Variants in SHISA9 observed in about 807,000 individuals in gnomAD.
SHISA9 encodes protein shisa-9.
SHISA9 carries 13 observed loss-of-function variants against 38.0 expected under a neutral mutation model. The observed-to-expected ratio is 0.34, with a 90% CI of 0.22 to 0.54. The LOEUF (loss-of-function observed/expected upper bound fraction) is 0.54, where lower values mean the gene tolerates loss of function less well. Ranked by LOEUF, SHISA9 falls within the 20% of genes least tolerant of loss-of-function variation. The pLI, the probability that SHISA9 is intolerant of heterozygous loss-of-function variation, is 0.91. For missense variants in SHISA9, 538 were observed against 575.8 expected, an observed-to-expected ratio of 0.93 and a Z score of 0.67; for synonymous variants, 275 against 242.0, an observed-to-expected ratio of 1.14 and a Z score of -1.27.
the SHISA9 span, among the ~76,000 whole-genome samples, chr16:13,302,946 C>T: frequency 1.6e-4 from 24 of 152,196 alleles, no homozygotes; most frequent in East Asian, 2.3e-3. Context: ...CCGTGTAAGA[C>T]GTGTATAATT....
chr16:13,497,064 T>C, the SHISA9 span, among the ~76,000 whole-genome samples: 3 of 152,130 alleles, frequency 2.0e-5, no homozygotes, highest in Non-Finnish European at 4.4e-5. Flanking sequence ...GATCAAGAGA[T>C]ATGAGGAAAA....
chr16:13,344,390 A>C, the SHISA9 span, among the ~76,000 whole-genome samples: 907 of 152,276 alleles, frequency 6.0e-3, 15 homozygotes, highest in African/African-American at 0.021. Flanking sequence ...GAATGGTTCC[A>C]AGTGCTGCAA....
intron 2 of SHISA9, among the ~76,000 whole-genome samples, chr16:12,940,961 C>T (rs1225668511): frequency 6.6e-6 from 1 of 152,186 alleles, no homozygotes; most frequent in African/African-American, 2.4e-5. Flanking sequence ...ACCCTGTCTT[C>T]CCTACCGTCA....
the SHISA9 span, among the ~76,000 whole-genome samples, chr16:13,544,724 C>T: frequency 2.0e-5 from 3 of 152,056 alleles, no homozygotes; most frequent in Admixed American, 6.6e-5. Context: ...GGGCAGATCA[C>T]TTGAGGTCAG....
the SHISA9 span, among the ~76,000 whole-genome samples, chr16:13,367,447 A>G: frequency 7.0e-4 from 106 of 151,660 alleles, 1 homozygote; most frequent in Middle Eastern, 3.4e-3. Context: ...CGGAAATATT[A>G]TCATTGTCCC....
chr16:13,514,533 C>G, the SHISA9 span, among the ~76,000 whole-genome samples: 1 of 151,998 alleles, frequency 6.6e-6, no homozygotes, highest in East Asian at 1.9e-4. Flanking sequence ...ATATAAAAGA[C>G]CTAACCTGAA....
At chr16:13,404,183 A>T in the SHISA9 span, among the ~76,000 whole-genome samples, 1 of 152,282 alleles carries the variant, frequency 6.6e-6, no homozygotes. Flanking sequence ...AACAACAATG[A>T]CGTATCTAGG....
chr16:13,115,828 A>G (rs959283237), intron 2 of SHISA9, among the ~76,000 whole-genome samples: 3 of 152,236 alleles, frequency 2.0e-5, no homozygotes, highest in Non-Finnish European at 4.4e-5. Context: ...CAAACCCTGC[A>G]CTAACAATTC....
the SHISA9 span, among the ~76,000 whole-genome samples, chr16:13,511,580 G>C: frequency 6.6e-6 from 1 of 152,134 alleles, no homozygotes; most frequent in African/African-American, 2.4e-5. Flanking sequence ...ACAAGTCAGT[G>C]ATCACTGAAA....
chr16:13,184,101 C>T (rs1205596694), intron 2 of SHISA9, among the ~76,000 whole-genome samples: 2 of 151,988 alleles, frequency 1.3e-5, no homozygotes, highest in East Asian at 1.9e-4. Context: ...TTGTTCTGTC[C>T]CTCCACTCCA....
chr16:12,998,291 C>T (rs746069344), intron 2 of SHISA9, among the ~76,000 whole-genome samples: 2 of 152,194 alleles, frequency 1.3e-5, no homozygotes, highest in African/African-American at 2.4e-5. Context: ...TAAGCACTAA[C>T]ATGTGTAATG....
At position 13,107,902 on chromosome 16, in the gene SHISA9, C is replaced by A. The variant is rs571096300; in HGVS notation, c.692-95492C>A. Reference sequence around the variant, plus strand: ...AGGAGGATATGAATTGGGGTCTAGTCTGGTGTAGCAAAAGCCTTACACATA... The same window carrying A: ...AGGAGGATATGAATTGGGGTCTAGTATGGTGTAGCAAAAGCCTTACACATA... On this transcript the variant is annotated intron_variant, in intron 2 of 4. Coordinates refer to ENST00000558583, the MANE Select transcript of SHISA9 (RefSeq NM_001145204.3). Among the ~76,000 whole-genome samples, 29 of 152,204 alleles carry A rather than the reference C, an allele frequency of 1.9e-4. 1 individual carries two copies. Among genetic ancestry groups the A allele is most frequent in the Admixed American group, 5.2e-4 (8 of 15,282 alleles).
At chr16:13,436,410 T>C in the SHISA9 span, among the ~76,000 whole-genome samples, 1 of 152,162 alleles carries the variant, frequency 6.6e-6, no homozygotes, top group East Asian at 1.9e-4. Flanking sequence ...GTCCATAAAT[T>C]ACCCCATATG....
chr16:12,911,436 C>G (rs930934141), intron 1 of SHISA9: 1 of 953,106 alleles, frequency 1.0e-6, no homozygotes, highest in Non-Finnish European at 1.2e-6. Flanking sequence ...CATTTATAAG[C>G]ATATGCATGA....
At chr16:13,136,467 C>T (rs1461054218) in intron 2 of SHISA9, among the ~76,000 whole-genome samples, 5 of 129,886 alleles carry the variant, frequency 3.8e-5, no homozygotes, top group African/African-American at 6.0e-5. Flanking sequence ...GGTGTAATCT[C>T]GACTCACTGC....
At chr16:13,318,813 C>G in the SHISA9 span, among the ~76,000 whole-genome samples, 1 of 152,194 alleles carries the variant, frequency 6.6e-6, no homozygotes, top group East Asian at 1.9e-4. Flanking sequence ...AAACCTGGAT[C>G]ATGGCAATCT....
chr16:12,957,618 C>G (rs1366540006), intron 2 of SHISA9, among the ~76,000 whole-genome samples: 1 of 152,178 alleles, frequency 6.6e-6, no homozygotes, highest in East Asian at 1.9e-4. Context: ...CTAATAGGAT[C>G]ACATTGAGGG....
At chr16:12,916,628 C>A in intron 1 of SHISA9, 60 bp from the exon 2 acceptor site, 1 of 1,525,306 alleles carries the variant, frequency 6.6e-7, no homozygotes, top group Non-Finnish European at 8.8e-7. Flanking sequence ...GTACTCGGCG[C>A]ATAGCAGCTG....
At chr16:13,242,377 G>C (rs1172058712), downstream of SHISA9, among the ~76,000 whole-genome samples, 1 of 152,176 alleles carries the variant, frequency 6.6e-6, no homozygotes, top group African/African-American at 2.4e-5. Flanking sequence ...CAAGCTCCCT[G>C]TCATTGCACT....
Sources: gnomAD v4.1 joint callset for allele counts (sites outside exome capture counted in the v4.1 genomes callset) on GRCh38, gnomAD v4.1.1 for gene constraint, MANE v1.5 for transcripts, NCBI Gene and HGNC (gene_info 2026-07-23, HGNC 2026-07-21) for gene names.